SLC49A4: variants seen among roughly 807,000 people sequenced by gnomAD.
The protein encoded by SLC49A4 is disrupted in renal cancer protein 2.
SLC49A4 carries 36 observed loss-of-function variants against 50.6 expected under a neutral mutation model. The ratio of observed to expected loss-of-function variants is 0.71; its 90% CI spans 0.55 to 0.94. The LOEUF (loss-of-function observed/expected upper bound fraction) is 0.94. Ranked by LOEUF, SLC49A4 falls within the 40% of genes least tolerant of loss-of-function variation. SLC49A4 has a pLI of 0.00. For synonymous variants in SLC49A4, 248 were observed against 241.2 expected, an observed-to-expected ratio of 1.03 and a Z score of -0.26; for missense variants, 503 against 605.7, an observed-to-expected ratio of 0.83 and a Z score of 1.78.
chr3:122,806,834 T>C (rs754713565), intron 1 of SLC49A4, 23 bp from the exon 2 acceptor site: 3 of 1,440,596 alleles, frequency 2.1e-6, no homozygotes, highest in Non-Finnish European at 2.0e-6. Flanking sequence ...CAAGATAATT[T>C]CAATGTCTTT....
intron 4 of SLC49A4, among the ~76,000 whole-genome samples, chr3:122,845,392 A>T (rs948978242): frequency 1.3e-5 from 2 of 152,114 alleles, no homozygotes; most frequent in African/African-American, 4.8e-5. Flanking sequence ...TTGATTCCAC[A>T]TCTTTGCTAT....
intron 2 of SLC49A4, among the ~76,000 whole-genome samples, chr3:122,820,854 A>T (rs1936438795): frequency 6.6e-6 from 1 of 152,218 alleles, no homozygotes; most frequent in Non-Finnish European, 1.5e-5. Context: ...CTCCCTCTCT[A>T]GTCTCCACCA....
chr3:122,863,353 TGAA>T (rs1937079943), intron 7 of SLC49A4, among the ~76,000 whole-genome samples: 1 of 152,352 alleles, frequency 6.6e-6, no homozygotes. Context: ...GCACAGGCCC[TGAA>T]GAAGGAGTGA....
chr3:122,835,533 A>G (rs1936668555), intron 4 of SLC49A4, among the ~76,000 whole-genome samples: 1 of 152,186 alleles, frequency 6.6e-6, no homozygotes, highest in African/African-American at 2.4e-5. Flanking sequence ...TAATAGATGC[A>G]GAAAAGGCAT....
At chr3:122,872,280 G>C in intron 7 of SLC49A4, 135 bp from the exon 8 acceptor site, 1 of 750,938 alleles carries the variant, frequency 1.3e-6, no homozygotes, top group Non-Finnish European at 2.1e-6. Flanking sequence ...GTGATGCTTT[G>C]TCAAACTTTA....
rs1380380609 is a variant in SLC49A4 at position 122,795,084 on chromosome 3, G to A, written c.-109G>A. The stretch of plus-strand genomic sequence containing the variant: ...CACCAGGCGCGGTCCGGAGGCCGAG[G>A]GCGACCACAGCAGCCTCCGCCTCCT... On this transcript the variant is annotated 5_prime_UTR_variant, in exon 1 of 9. Coordinates refer to ENST00000261038, the MANE Select transcript of SLC49A4 (RefSeq NM_032839.3). The A allele has an allele frequency of 2.0e-5, 24 of 1,197,532 alleles. No individual in the cohort carries two copies. The highest frequency in any genetic ancestry group is 3.2e-5 in the African/African-American group (2 of 63,288). The allele number at this position is 1,197,532 out of a possible 1,614,324, so 74.2% of individuals were successfully genotyped here.
chr3:122,798,662 T>TTTTG (rs34893355), intron 1 of SLC49A4, among the ~76,000 whole-genome samples: 1 of 144,688 alleles, frequency 6.9e-6, no homozygotes, highest in Non-Finnish European at 1.5e-5. Context: ...TTTTTTTTTT[T>TTTTG]GAGACAGAGT....
intron 7 of SLC49A4, among the ~76,000 whole-genome samples, chr3:122,868,793 A>G (rs185136328): frequency 6.6e-6 from 1 of 152,328 alleles, no homozygotes; most frequent in East Asian, 1.9e-4. Context: ...CTTGGTCATC[A>G]CTTTTATGGT....
At chr3:122,878,396 T>C (rs12106901) in intron 8 of SLC49A4, among the ~76,000 whole-genome samples, 2,821 of 152,112 alleles carry the variant, frequency 0.019, 67 homozygotes, top group African/African-American at 0.064. Flanking sequence ...GCAGATGGGA[T>C]TGGGGTAGAG....
At position 122,795,071 on chromosome 3, in the gene SLC49A4, T is replaced by C. The variant is rs925582916; in HGVS notation, c.-122T>C. ...GGCCGCGCAGGCGCACCAGGCGCGG[T>C]CCGGAGGCCGAGGGCGACCACAGCA... On this transcript the variant is annotated 5_prime_UTR_variant, in exon 1 of 9. Coordinates refer to ENST00000261038, the MANE Select transcript of SLC49A4 (RefSeq NM_032839.3). 30 of 1,155,110 alleles carry C rather than the reference T, an allele frequency of 2.6e-5. No individual in the cohort carries two copies. The East Asian group carries it at 3.0e-4, about 12-fold the overall frequency. The allele number at this position is 1,155,110 out of a possible 1,614,324, so 71.6% of individuals were successfully genotyped here.
At chr3:122,796,212 A>G (rs767330658) in intron 1 of SLC49A4, among the ~76,000 whole-genome samples, 2 of 152,246 alleles carry the variant, frequency 1.3e-5, no homozygotes, top group Admixed American at 6.5e-5. Context: ...AGAAAAAGCC[A>G]TAGGGCTGAG....
chr3:122,848,516 A>G (rs57029202), intron 5 of SLC49A4, among the ~76,000 whole-genome samples: 1 of 151,898 alleles, frequency 6.6e-6, no homozygotes, highest in Admixed American at 6.6e-5. Flanking sequence ...TTTCTGAACC[A>G]TGATCATTAT....
chr3:122,805,951 A>G (rs1936212058), intron 1 of SLC49A4, among the ~76,000 whole-genome samples: 1 of 152,222 alleles, frequency 6.6e-6, no homozygotes, highest in South Asian at 2.1e-4. Flanking sequence ...TTATTCTATA[A>G]TGAAAACCAT....
chr3:122,834,486 A>G (rs924982691), intron 4 of SLC49A4, among the ~76,000 whole-genome samples: 2 of 152,200 alleles, frequency 1.3e-5, no homozygotes, highest in African/African-American at 4.8e-5. Context: ...AATGAAATCA[A>G]GATGAAAATT....
At position 122,826,844 on chromosome 3, in the gene SLC49A4, C is replaced by G. The variant is rs768785543; in HGVS notation, c.482C>G (p.Thr161Ser). The G allele has an allele frequency of 1.9e-6, 3 of 1,614,006 alleles. No homozygotes were observed. The highest frequency in any genetic ancestry group is 2.7e-5 in the African/African-American group (2 of 74,936). ...GQMLNGLAGP[T>S]VMNAAPFLST... is the part of the protein sequence containing the mutation. ...ATGTTAAATGGATTGGCAGGTCCAA[C>G]TGTAATGAATGCAGCACCATTTCTC... Residue 161 changes from threonine (T) to serine (S), a missense_variant, in exon 3 of 9, where the codon ACT (threonine) becomes AGT (serine). By Grantham distance (58) the Thr-to-Ser change is moderately conservative. Transcript: ENST00000261038.
At chr3:122,842,807 C>T (rs941367937) in intron 4 of SLC49A4, among the ~76,000 whole-genome samples, 48 of 152,278 alleles carry the variant, frequency 3.2e-4, no homozygotes, top group African/African-American at 1.1e-3. Context: ...TTCACCAGTA[C>T]CTAACATTCC....
intron 2 of SLC49A4, among the ~76,000 whole-genome samples, chr3:122,811,623 G>T (rs959757754): frequency 4.6e-5 from 7 of 152,182 alleles, no homozygotes; most frequent in Non-Finnish European, 8.8e-5. Flanking sequence ...TACCATGTTT[G>T]TGCAGCTTTG....
At chr3:122,852,610 A>G (rs1936940078) in intron 5 of SLC49A4, among the ~76,000 whole-genome samples, 2 of 152,172 alleles carry the variant, frequency 1.3e-5, no homozygotes, top group Non-Finnish European at 2.9e-5. Flanking sequence ...ATCTAGTTTC[A>G]GAGCTTGAGA....
chr3:122,821,117 G>A (rs957445931), intron 2 of SLC49A4, among the ~76,000 whole-genome samples: 1 of 152,222 alleles, frequency 6.6e-6, no homozygotes, highest in African/African-American at 2.4e-5. Flanking sequence ...TGTAAGGCAT[G>A]CCTTTACTCC....
Sources: gnomAD v4.1 joint callset for allele counts (sites outside exome capture counted in the v4.1 genomes callset) on GRCh38, gnomAD v4.1.1 for gene constraint, MANE v1.5 for transcripts, NCBI Gene and HGNC (gene_info 2026-07-23, HGNC 2026-07-21) for gene names.